Variants in NRF1 observed in about 807,000 individuals in gnomAD.
The protein encoded by NRF1 is alpha palindromic-binding protein.
In NRF1, 5 loss-of-function variants were observed where a neutral mutation model predicts 58.5. That is an observed-to-expected ratio of 0.09 (90% CI 0.04 to 0.18). The LOEUF (loss-of-function observed/expected upper bound fraction) is 0.18, where lower values mean the gene tolerates loss of function less well. Ranked by LOEUF, NRF1 falls within the 10% of genes least tolerant of loss-of-function variation. NRF1 has a pLI of 1.00. For synonymous variants in NRF1, 224 were observed against 246.7 expected, an observed-to-expected ratio of 0.91 and a Z score of 0.86; for missense variants, 288 against 657.7, an observed-to-expected ratio of 0.44 and a Z score of 6.15.
chr7:129,649,759 A>AT (rs200080546), intron 1 of NRF1, among the ~76,000 whole-genome samples: 21 of 150,260 alleles, frequency 1.4e-4, no homozygotes, highest in African/African-American at 3.4e-4. Context: ...TTTTAATTTA[A>AT]TTTTTTTTTT....
At chr7:129,630,650 C>T (rs1801027786) in intron 1 of NRF1, among the ~76,000 whole-genome samples, 1 of 152,096 alleles carries the variant, frequency 6.6e-6, no homozygotes, top group African/African-American at 2.4e-5. Flanking sequence ...GAGGCATAGT[C>T]CGAGGAAACC....
At chr7:129,658,632 T>C (rs1457204326) in intron 2 of NRF1, among the ~76,000 whole-genome samples, 1 of 151,726 alleles carries the variant, frequency 6.6e-6, no homozygotes, top group Non-Finnish European at 1.5e-5. Flanking sequence ...AAACGTTGTA[T>C]GTACTTGGAA....
chr7:129,703,200 T>C (rs1802873403), intron 5 of NRF1, among the ~76,000 whole-genome samples: 1 of 152,216 alleles, frequency 6.6e-6, no homozygotes, highest in Admixed American at 6.5e-5. Flanking sequence ...TCTTTGCTGA[T>C]TTGGTGTGGC....
In NRF1 at chr7:129,632,898, T is replaced by C. The variant is rs184570748; in HGVS notation, c.-7+21074T>C. Among the ~76,000 whole-genome samples, 102 of 152,324 alleles carry C rather than the reference T, an allele frequency of 6.7e-4. No homozygotes were observed. In the East Asian group the frequency reaches 0.015, roughly 23 times the overall value. The stretch of plus-strand genomic sequence containing the variant: ...TCCAGAGATACTACAGTCAATATTT[T>C]GGTTTTTTCCTTTGCTTCTTGTCTT... On this transcript the variant is annotated intron_variant, in intron 1 of 10. Coordinates refer to ENST00000393232, the MANE Select transcript of NRF1 (RefSeq NM_005011.5).
intron 8 of NRF1, 25 bp from the exon 9 acceptor site, chr7:129,717,194 T>TA: frequency 6.4e-7 from 1 of 1,554,752 alleles, no homozygotes; most frequent in Non-Finnish European, 8.7e-7. Context: ...TTTGTTTTTT[T>TA]ACTATCTTGT....
chr7:129,709,758 C>T, intron 6 of NRF1, among the ~76,000 whole-genome samples: 1 of 134,800 alleles, frequency 7.4e-6, no homozygotes. Context: ...GAGACAGAGT[C>T]TCACTCTTGT....
chr7:129,637,290 C>T (rs1267413979), intron 1 of NRF1, among the ~76,000 whole-genome samples: 1 of 151,738 alleles, frequency 6.6e-6, no homozygotes. Flanking sequence ...CATTGGAAAC[C>T]CCTGCAAAAA....
intron 4 of NRF1, among the ~76,000 whole-genome samples, chr7:129,689,831 G>T (rs1402739486): frequency 6.6e-6 from 1 of 152,212 alleles, no homozygotes; most frequent in Non-Finnish European, 1.5e-5. Flanking sequence ...GGCCTTACCA[G>T]TAGTGGCACT....
intron 1 of NRF1, among the ~76,000 whole-genome samples, chr7:129,643,440 C>G (rs1039364818): frequency 6.6e-6 from 1 of 152,200 alleles, no homozygotes; most frequent in Admixed American, 6.5e-5. Context: ...GAGGCAGCCT[C>G]TAATCCTGCT....
rs1803851826 is a variant in NRF1, at chr7:129,741,785, C to T, written c.1349-13233C>T. On this transcript the variant is annotated intron_variant, in intron 10 of 10. Transcript: ENST00000393232. This position sits in a 1 kb window ranked among gnomAD's most constrained non-coding sequence, Gnocchi z 4.0. ...CTCGCAGCCAGGATGGTTTGGGGCC[C>T]TCTGGCTCTCAGGTTACCTGTGTAA... Among the ~76,000 whole-genome samples the T allele has an allele frequency of 6.6e-6, 1 of 152,178 alleles. No homozygotes were observed. Among genetic ancestry groups the T allele is most frequent in the Admixed American group, 6.5e-5 (1 of 15,278 alleles).
chr7:129,676,565 T>G (rs1802184131), intron 3 of NRF1, among the ~76,000 whole-genome samples: 1 of 152,234 alleles, frequency 6.6e-6, no homozygotes, highest in African/African-American at 2.4e-5. Flanking sequence ...CAGTCAAGTT[T>G]GCCATCTTTT....
At chr7:129,707,580 A>G (rs1802981082) in intron 5 of NRF1, among the ~76,000 whole-genome samples, 1 of 152,240 alleles carries the variant, frequency 6.6e-6, no homozygotes. Flanking sequence ...AATAAAGGGA[A>G]AAATGACTTT....
At chr7:129,707,233 T>C (rs1338824952) in intron 5 of NRF1, among the ~76,000 whole-genome samples, 1 of 152,170 alleles carries the variant, frequency 6.6e-6, no homozygotes, top group Non-Finnish European at 1.5e-5. Flanking sequence ...GTCTCAAGCA[T>C]TCTGCCTGCC....
At chr7:129,744,598 G>A (rs10224702) in intron 10 of NRF1, among the ~76,000 whole-genome samples, 27,040 of 151,868 alleles carry the variant, frequency 0.18, 2,667 homozygotes, top group East Asian at 0.47. Flanking sequence ...ATTTGGCTAT[G>A]CTAAGTACAG....
In NRF1 at chr7:129,757,058, A is replaced by T. The variant is rs1211976967; in HGVS notation, c.*1877A>T. 2 of 152,606 alleles carry T rather than the reference A, an allele frequency of 1.3e-5. No homozygotes were observed. The highest frequency in any genetic ancestry group is 1.3e-4 in the Admixed American group (2 of 15,280). The allele number at this position is 152,606 out of a possible 1,614,324, so 9.5% of individuals were successfully genotyped here. ...TGTCTTTGACTGCCTCATTCAATAA[A>T]TAGTTAAAAATGTGGCAACAGGAAG... is the stretch of plus-strand genomic sequence containing the variant. On this transcript the variant is annotated 3_prime_UTR_variant, in exon 11 of 11. Transcript: ENST00000393232.
At chr7:129,683,385 A>G (rs1020927058) in intron 4 of NRF1, among the ~76,000 whole-genome samples, 4 of 148,444 alleles carry the variant, frequency 2.7e-5, no homozygotes, top group African/African-American at 1.0e-4. Context: ...CTAGAGTGCA[A>G]TGGTGCGATC....
chr7:129,668,079 G>A (rs1801962369), intron 2 of NRF1, among the ~76,000 whole-genome samples: 1 of 152,042 alleles, frequency 6.6e-6, no homozygotes, highest in African/African-American at 2.4e-5. Flanking sequence ...TGAGGTTATT[G>A]TTTTACATTT....
intron 3 of NRF1, among the ~76,000 whole-genome samples, chr7:129,675,111 T>C (rs1191872686): frequency 6.6e-6 from 1 of 152,152 alleles, no homozygotes; most frequent in Non-Finnish European, 1.5e-5. Context: ...TCATCAGGAG[T>C]GGATTTCATC....
intron 4 of NRF1, among the ~76,000 whole-genome samples, chr7:129,687,780 AAG>A (rs1802475520): frequency 6.6e-6 from 1 of 152,230 alleles, no homozygotes; most frequent in Non-Finnish European, 1.5e-5. Flanking sequence ...CCAATTTCAG[AAG>A]ACTGATAAAT....
Sources: gnomAD v4.1 joint callset for allele counts (sites outside exome capture counted in the v4.1 genomes callset) on GRCh38, gnomAD v4.1.1 for gene constraint, Gnocchi (gnomAD v3.1) non-coding constraint, MANE v1.5 for transcripts, NCBI Gene and HGNC (gene_info 2026-07-23, HGNC 2026-07-21) for gene names.